INSL6: variants seen among roughly 807,000 people sequenced by gnomAD.
The protein encoded by INSL6 is insulin like 6.
INSL6 carries 16 observed loss-of-function variants against 9.4 expected under a neutral mutation model. The observed-to-expected ratio is 1.70, with a 90% confidence interval of 1.15 to 2.59. The LOEUF is 2.59. Ranked by LOEUF, INSL6 falls within the 30% of genes most tolerant of loss-of-function variation. The pLI, the probability that INSL6 is intolerant of heterozygous loss-of-function variation, is 0.00. For synonymous variants in INSL6, 154 were observed against 96.9 expected, an observed-to-expected ratio of 1.59 and a Z score of -3.46; for missense variants, 391 against 257.3, an observed-to-expected ratio of 1.52 and a Z score of -3.56.
chr9:5,143,088 C>T (rs184408338), intron 2 of INSL6, among the ~76,000 whole-genome samples: 4 of 152,118 alleles, frequency 2.6e-5, no homozygotes, highest in Non-Finnish European at 4.4e-5. Context: ...TGCTGGATTC[C>T]GTTTGCCAGT....
At chr9:5,056,554 G>C in the INSL6 span, among the ~76,000 whole-genome samples, 2 of 152,016 alleles carry the variant, frequency 1.3e-5, no homozygotes, top group Admixed American at 6.6e-5. Context: ...TCTGTTCTTA[G>C]ATAAAAATAT....
rs1041166519 is a variant in INSL6, at chr9:5,151,466, G to A, written c.376+12713C>T. 1.1e-4 allele frequency among the ~76,000 whole-genome samples: 16 copies of A among 152,006 alleles called. 1 individual carries two copies. The highest frequency in any genetic ancestry group is 1.0e-3 in the Admixed American group (16 of 15,262). On this transcript the variant is annotated intron_variant, in intron 2 of 3. Transcript: ENST00000649639. Reference sequence around the variant, plus strand: ...GTTTGTGTGGTTTATAATGCATGCAGCAGTAAAATGTATGGCACAAACACC... The same window carrying A: ...GTTTGTGTGGTTTATAATGCATGCAACAGTAAAATGTATGGCACAAACACC...
the INSL6 span, chr9:5,084,899 G>A: frequency 2.2e-6 from 1 of 447,118 alleles, no homozygotes; most frequent in African/African-American, 2.0e-5. Context: ...CTTTTAAAAT[G>A]ATTTTTGGTT....
At chr9:5,164,543 G>A (rs1825006174) in intron 1 of INSL6, among the ~76,000 whole-genome samples, 2 of 152,174 alleles carry the variant, frequency 1.3e-5, no homozygotes, top group South Asian at 4.1e-4. Flanking sequence ...ACAATTCAGT[G>A]GGTCTTAGTA....
chr9:5,077,790 A>C, the INSL6 span, among the ~76,000 whole-genome samples: 6 of 152,208 alleles, frequency 3.9e-5, no homozygotes, highest in Admixed American at 3.3e-4. Flanking sequence ...CATCCCATCA[A>C]TATCTTAGAA....
At chr9:4,999,635 C>G in the INSL6 span, among the ~76,000 whole-genome samples, 1 of 152,162 alleles carries the variant, frequency 6.6e-6, no homozygotes, top group South Asian at 2.1e-4. Context: ...GTTCAAGTCT[C>G]AAAACTGAAG....
the INSL6 span, chr9:5,078,424 T>C: frequency 1.9e-6 from 3 of 1,612,826 alleles, no homozygotes; most frequent in Non-Finnish European, 2.5e-6. Context: ...GGCATTAGTA[T>C]TACAGTTTTG....
At chr9:5,002,197 C>A in the INSL6 span, among the ~76,000 whole-genome samples, 1 of 151,430 alleles carries the variant, frequency 6.6e-6, no homozygotes, top group Non-Finnish European at 1.5e-5. Flanking sequence ...TCTTTCTTCA[C>A]TCTCTGGTTT....
chr9:5,111,019 C>A, the INSL6 span: 4 of 788,570 alleles, frequency 5.1e-6, no homozygotes, highest in East Asian at 1.3e-4. Context: ...GAAGGGCCGG[C>A]CCGCCTCCCT....
chr9:5,123,380 G>C (rs1372738554), downstream of INSL6, among the ~76,000 whole-genome samples: 1 of 151,774 alleles, frequency 6.6e-6, no homozygotes, highest in Non-Finnish European at 1.5e-5. Flanking sequence ...ACATTATATA[G>C]CTCCCGCTTA....
chr9:5,137,156 T>C (rs906649993), intron 2 of INSL6, among the ~76,000 whole-genome samples: 1 of 152,112 alleles, frequency 6.6e-6, no homozygotes, highest in Admixed American at 6.5e-5. Flanking sequence ...TGCTCATGGA[T>C]AGAAAGAATC....
At chr9:5,070,309 A>T in the INSL6 span, among the ~76,000 whole-genome samples, 1 of 152,140 alleles carries the variant, frequency 6.6e-6, no homozygotes, top group African/African-American at 2.4e-5. Context: ...TCAAATTAAA[A>T]ATTAAAAATC....
the INSL6 span, chr9:5,108,197 C>G: frequency 6.6e-6 from 1 of 152,070 alleles, no homozygotes; most frequent in African/African-American, 2.4e-5. Flanking sequence ...CACAAAAAAG[C>G]TCTATATTTC....
At chr9:5,144,190 T>A (rs1025316639) in intron 2 of INSL6, among the ~76,000 whole-genome samples, 1 of 152,242 alleles carries the variant, frequency 6.6e-6, no homozygotes, top group Non-Finnish European at 1.5e-5. Flanking sequence ...CCAGAGATTC[T>A]GATATGTTGT....
Position 5,185,362 on chromosome 9 carries a change from C to G in INSL6, c.241G>C (p.Glu81Gln). ...GCCGGGGAAGCGGTTTGCGGGCTTT[C>G]GAACTGGTATGGGCTGTAGGCTTCG... ...KVEAYSPYQF[E>Q]SPQTASPARG... The change falls in exon 1 of 2, where the codon GAA (glutamate) becomes CAA (glutamine). Residue 81 changes from glutamate (E) to glutamine (Q), a missense_variant. By Grantham distance (29) the Glu-to-Gln change is conservative. Coordinates refer to ENST00000381641, the MANE Select transcript of INSL6 (RefSeq NM_007179.3). 1 of 1,614,068 alleles carries G rather than the reference C, an allele frequency of 6.2e-7. No individual in the cohort carries two copies. The highest frequency in any genetic ancestry group is 8.5e-7 in the Non-Finnish European group (1 of 1,180,000).
the INSL6 span, chr9:5,090,307 A>C: frequency 7.7e-6 from 4 of 518,078 alleles, no homozygotes; most frequent in Non-Finnish European, 1.2e-5. Context: ...CTTAACAACT[A>C]TATCACCTTT....
the INSL6 span, among the ~76,000 whole-genome samples, chr9:4,996,828 T>A: frequency 6.6e-6 from 1 of 152,160 alleles, no homozygotes; most frequent in African/African-American, 2.4e-5. Context: ...TAAGTTTGAT[T>A]CACAGTGCCT....
At chr9:5,053,633 A>G in the INSL6 span, among the ~76,000 whole-genome samples, 1 of 152,078 alleles carries the variant, frequency 6.6e-6, no homozygotes, top group Non-Finnish European at 1.5e-5. Context: ...TGAGGGATAA[A>G]TGGAAGGCAA....
chr9:5,011,926 G>A, the INSL6 span, among the ~76,000 whole-genome samples: 1 of 152,176 alleles, frequency 6.6e-6, no homozygotes, highest in Non-Finnish European at 1.5e-5. Flanking sequence ...GAAAGCCTGA[G>A]ATATTTACCA....
Sources: gnomAD v4.1 joint callset for allele counts (sites outside exome capture counted in the v4.1 genomes callset) on GRCh38, gnomAD v4.1.1 for gene constraint, MANE v1.5 for transcripts, NCBI Gene and HGNC (gene_info 2026-07-23, HGNC 2026-07-21) for gene names.